TMEM38B: variants seen among roughly 807,000 people sequenced by gnomAD.
The protein encoded by TMEM38B is transmembrane protein 38B, also known as trimeric intracellular cation channel type B.
In TMEM38B, 24 loss-of-function variants were observed where a neutral mutation model predicts 28.7. That is an observed-to-expected ratio of 0.84 (90% CI 0.61 to 1.18). The LOEUF (loss-of-function observed/expected upper bound fraction) is 1.18. TMEM38B is among the 50% of genes most tolerant of loss of function. TMEM38B has a pLI of 0.00. For synonymous variants in TMEM38B, 131 were observed against 127.7 expected (o/e 1.03, Z -0.17); for missense variants, 380 against 350.9 (o/e 1.08, Z -0.66).
chr9:105,765,230 T>A (rs10122308), intron 5 of TMEM38B, among the ~76,000 whole-genome samples: 32,143 of 152,204 alleles, frequency 0.21, 5,315 homozygotes, highest in East Asian at 0.46. Context: ...GGGGTTTAGT[T>A]ACAATTTAAA....
At chr9:105,751,427 A>G (rs1330248127) in intron 5 of TMEM38B, among the ~76,000 whole-genome samples, 2 of 152,208 alleles carry the variant, frequency 1.3e-5, no homozygotes, top group African/African-American at 4.8e-5. Context: ...TCTTGGGTCC[A>G]ATACACACAG....
chr9:105,721,765 TA>T lies in TMEM38B; in HGVS notation c.454+45del, dbSNP rs776638227. ...GTTCATAAATATTCTGTTGTTGGTG[TA>T]TTATTAATACCATTACTGAACAATT... On this transcript the variant is annotated intron_variant, in intron 3 of 5. Transcript: ENST00000374692. The T allele has an allele frequency of 2.1e-4, 300 of 1,424,706 alleles. No individual in the cohort carries two copies. The African/African-American group carries it at 2.5e-3, about 12-fold the overall frequency. 88.3% of individuals were successfully genotyped at this position (1,424,706 alleles called of 1,614,324 possible). A position where few individuals can be genotyped will look rare whatever the true frequency, so the allele number is the denominator to read the frequency against.
intron 2 of TMEM38B, among the ~76,000 whole-genome samples, chr9:105,706,353 G>A (rs1296302590): frequency 6.6e-6 from 1 of 152,188 alleles, no homozygotes; most frequent in African/African-American, 2.4e-5. Flanking sequence ...GTGCAGTGGC[G>A]CGCTCTCAGC....
intron 4 of TMEM38B, among the ~76,000 whole-genome samples, chr9:105,724,582 C>G (rs1465006890): frequency 2.0e-5 from 3 of 150,684 alleles, no homozygotes; most frequent in Non-Finnish European, 4.4e-5. Context: ...GAGATCGCAC[C>G]ACTGCACTCC....
intron 5 of TMEM38B, chr9:105,760,076 G>T (rs1837983575): frequency 9.7e-7 from 1 of 1,035,478 alleles, no homozygotes; most frequent in Non-Finnish European, 1.5e-6. Context: ...ACTGGTACAC[G>T]AAGTTTGCTG....
intron 5 of TMEM38B, among the ~76,000 whole-genome samples, chr9:105,761,744 G>A (rs1397520886): frequency 6.6e-6 from 1 of 152,130 alleles, no homozygotes; most frequent in African/African-American, 2.4e-5. Context: ...TATGCCCAGG[G>A]CCTAACTTAT....
rs61494079 is a variant in TMEM38B, at chr9:105,698,116, A to ATT, written c.112+3355_112+3356dup. ...TCTTGTTTGTTTTCTTTAGCGTCCC[A>ATT]TTTTTTTTTTTTCTGTGAGCTACTG... On this transcript the variant is annotated intron_variant, in intron 1 of 5. Coordinates refer to ENST00000374692, the MANE Select transcript of TMEM38B (RefSeq NM_018112.3). 8.7e-3 allele frequency among the ~76,000 whole-genome samples: 1,263 copies of ATT among 144,914 alleles called. 31 individuals are homozygous for ATT. Among genetic ancestry groups the ATT allele is most frequent in the Admixed American group, 0.049 (721 of 14,642 alleles).
chr9:105,719,416 G>A (rs1327696800), intron 2 of TMEM38B, among the ~76,000 whole-genome samples: 1 of 152,102 alleles, frequency 6.6e-6, no homozygotes, highest in Non-Finnish European at 1.5e-5. Flanking sequence ...GGGTTACAAG[G>A]TTATTACCTA....
intron 1 of TMEM38B, among the ~76,000 whole-genome samples, chr9:105,696,082 T>C (rs2133539187): frequency 6.6e-6 from 1 of 152,300 alleles, no homozygotes; most frequent in East Asian, 1.9e-4. Context: ...TGTTATCTTT[T>C]TCACTCTCAT....
At chr9:105,740,141 C>G (rs557129297) in intron 4 of TMEM38B, among the ~76,000 whole-genome samples, 1 of 152,028 alleles carries the variant, frequency 6.6e-6, no homozygotes, top group Non-Finnish European at 1.5e-5. Flanking sequence ...CCTTGGCCTC[C>G]GAAAGTGTTG....
intron 5 of TMEM38B, chr9:105,760,649 G>T (rs1433674003): frequency 1.7e-5 from 15 of 904,792 alleles, no homozygotes; most frequent in Non-Finnish European, 2.8e-5. Flanking sequence ...TATCAGAAAA[G>T]ATTTCCAACC....
chr9:105,710,439 C>G (rs937814523), intron 2 of TMEM38B: 1 of 1,366,774 alleles, frequency 7.3e-7, no homozygotes, highest in African/African-American at 1.4e-5. Context: ...CTGTATCTGT[C>G]ATAATCATCA....
intron 4 of TMEM38B, among the ~76,000 whole-genome samples, chr9:105,747,857 G>A (rs1266518980): frequency 1.3e-5 from 2 of 152,092 alleles, no homozygotes; most frequent in Non-Finnish European, 2.9e-5. Flanking sequence ...TCAGGAGCAG[G>A]TTGTTCAGTT....
chr9:105,746,269 G>A (rs1413105173), intron 4 of TMEM38B, among the ~76,000 whole-genome samples: 1 of 152,052 alleles, frequency 6.6e-6, no homozygotes, highest in Non-Finnish European at 1.5e-5. Context: ...GTGGTTTGTA[G>A]TTCTCCTTGA....
At chr9:105,713,857 C>A (rs1835998013) in intron 2 of TMEM38B, among the ~76,000 whole-genome samples, 1 of 152,142 alleles carries the variant, frequency 6.6e-6, no homozygotes, top group African/African-American at 2.4e-5. Flanking sequence ...CTGGGCTCAG[C>A]CAGGGCAGGG....
intron 2 of TMEM38B, among the ~76,000 whole-genome samples, chr9:105,717,540 A>G (rs773208275): frequency 1.4e-4 from 21 of 152,204 alleles, no homozygotes; most frequent in Non-Finnish European, 8.8e-5. Flanking sequence ...AGTAATTATA[A>G]CCACACACAA....
intron 1 of TMEM38B, among the ~76,000 whole-genome samples, chr9:105,696,640 C>T (rs1415336845): frequency 6.6e-6 from 1 of 152,322 alleles, no homozygotes; most frequent in East Asian, 1.9e-4. Context: ...CTGAGGAATC[C>T]AGTTTCTTAG....
chr9:105,733,421 C>CTTTTTTTTTT (rs71306454), intron 4 of TMEM38B, among the ~76,000 whole-genome samples: 47 of 127,824 alleles, frequency 3.7e-4, no homozygotes, highest in East Asian at 2.7e-3. Flanking sequence ...TTTCTTTTTT[C>CTTTTTTTTTT]TTTTTTTTTT....
chr9:105,760,550 T>G, intron 5 of TMEM38B: 1 of 742,952 alleles, frequency 1.3e-6, no homozygotes, highest in Non-Finnish European at 2.4e-6. Context: ...GTTACAGAAC[T>G]TATAGAAAAT....
Sources: allele counts gnomAD v4.1 joint callset (sites outside exome capture counted in the v4.1 genomes callset), GRCh38; gene constraint gnomAD v4.1.1; transcripts MANE v1.5; gene names NCBI Gene and HGNC (gene_info 2026-07-23, HGNC 2026-07-21).